Variants in SEMA6D observed in about 807,000 individuals in gnomAD.
The protein encoded by SEMA6D is semaphorin 6D.
In SEMA6D, 35 loss-of-function variants were observed where a neutral mutation model predicts 106.6. The ratio of observed to expected loss-of-function variants is 0.33; its 90% CI spans 0.25 to 0.44. The LOEUF is 0.44. Ranked by LOEUF, SEMA6D falls within the 20% of genes least tolerant of loss-of-function variation. SEMA6D has a pLI of 1.00. For missense variants in SEMA6D, 1,185 were observed against 1,345.9 expected (o/e 0.88, Z 1.87); for synonymous variants, 499 against 487.7 (o/e 1.02, Z -0.31).
intron 1 of SEMA6D, among the ~76,000 whole-genome samples, chr15:47,284,138 T>C (rs1201134996): frequency 6.6e-6 from 1 of 152,204 alleles, no homozygotes; most frequent in Non-Finnish European, 1.5e-5. Flanking sequence ...ACAGGAATCC[T>C]TTTTTAAAAA....
chr15:47,500,318 A>T (rs1034586853), intron 3 of SEMA6D, among the ~76,000 whole-genome samples: 9 of 152,138 alleles, frequency 5.9e-5, no homozygotes, highest in Non-Finnish European at 1.3e-4. Flanking sequence ...TGGGAAAAAA[A>T]ATATAAAGAT....
intron 2 of SEMA6D, among the ~76,000 whole-genome samples, chr15:47,439,880 G>C (rs2041830716): frequency 6.6e-6 from 1 of 152,076 alleles, no homozygotes; most frequent in Non-Finnish European, 1.5e-5. Context: ...TTGAACACAT[G>C]GTAGTTTCAT....
chr15:47,584,101 G>A (rs1225452428), intron 3 of SEMA6D, among the ~76,000 whole-genome samples: 1 of 152,184 alleles, frequency 6.6e-6, no homozygotes, highest in African/African-American at 2.4e-5. Context: ...TGTGATGCAT[G>A]TTTGCCCCCC....
intron 1 of SEMA6D, among the ~76,000 whole-genome samples, chr15:47,278,456 GGTT>G (rs1239455256): frequency 1.3e-5 from 2 of 151,998 alleles, no homozygotes; most frequent in East Asian, 3.9e-4. Flanking sequence ...TTTTTGATGG[GGTT>G]GTTTGTTTTT....
chr15:47,376,744 G>A (rs940281153), intron 1 of SEMA6D, among the ~76,000 whole-genome samples: 1 of 152,156 alleles, frequency 6.6e-6, no homozygotes, highest in African/African-American at 2.4e-5. Flanking sequence ...TGCTTAAAAG[G>A]CATTTGCCTT....
intron 1 of SEMA6D, among the ~76,000 whole-genome samples, chr15:47,327,351 C>T (rs920850073): frequency 6.6e-6 from 1 of 152,194 alleles, no homozygotes; most frequent in Admixed American, 6.5e-5. Context: ...CTTTTCATTT[C>T]ATTAATTGCC....
chr15:47,361,618 G>A (rs895844983), intron 1 of SEMA6D, among the ~76,000 whole-genome samples: 1 of 152,182 alleles, frequency 6.6e-6, no homozygotes, highest in Non-Finnish European at 1.5e-5. Context: ...TGTCCCTGTT[G>A]CAGTCCCAAT....
intron 1 of SEMA6D, among the ~76,000 whole-genome samples, chr15:47,314,597 C>CAAAA (rs764929520): frequency 2.9e-4 from 7 of 24,290 alleles, no homozygotes; most frequent in Non-Finnish European, 6.9e-4. Context: ...GACTCCATCT[C>CAAAA]AAAAAAAAAA....
At chr15:47,661,978 C>T (rs1439049916) in intron 4 of SEMA6D, among the ~76,000 whole-genome samples, 1 of 152,180 alleles carries the variant, frequency 6.6e-6, no homozygotes, top group Non-Finnish European at 1.5e-5. Context: ...AATGGAGGCT[C>T]CTTCCCAGCC....
chr15:47,221,030 C>A (rs1447120936), intron 1 of SEMA6D, among the ~76,000 whole-genome samples: 1 of 152,142 alleles, frequency 6.6e-6, no homozygotes, highest in Non-Finnish European at 1.5e-5. Context: ...TTCTGCTGTT[C>A]CTTCCCACAC....
chr15:47,552,896 A>ATATATATTTT (rs1213935603), intron 3 of SEMA6D, among the ~76,000 whole-genome samples: 1 of 85,044 alleles, frequency 1.2e-5, no homozygotes, highest in African/African-American at 4.4e-5. Flanking sequence ...ATATAAATAT[A>ATATATATTTT]TATATATATA....
intron 2 of SEMA6D, among the ~76,000 whole-genome samples, chr15:47,446,517 G>A (rs2042033443): frequency 6.6e-6 from 1 of 152,080 alleles, no homozygotes; most frequent in African/African-American, 2.4e-5. Context: ...ATCTACTAAA[G>A]CAAATGTATG....
At chr15:47,218,115 A>T (rs892942993) in intron 1 of SEMA6D, among the ~76,000 whole-genome samples, 4 of 152,080 alleles carry the variant, frequency 2.6e-5, no homozygotes, top group African/African-American at 9.7e-5. Flanking sequence ...TAGAGCTTCT[A>T]GGTTGTTATT....
At position 47,200,939 on chromosome 15, in the gene SEMA6D, C is replaced by T. The variant is rs139568689; in HGVS notation, c.-239+16521C>T. Among the ~76,000 whole-genome samples, 80 of 152,070 alleles carry T rather than the reference C, an allele frequency of 5.3e-4. 1 individual carries two copies. The highest frequency in any genetic ancestry group is 1.0e-3 in the Non-Finnish European group (70 of 68,002). On this transcript the variant is annotated intron_variant, in intron 1 of 19. Transcript: ENST00000558014. Reference sequence around the variant, plus strand: ...ATGATTTCTTGTTTCACCAGAGCTGCGTGGTTTCTTTGAGTGTGCTTTAAG... The same window carrying T: ...ATGATTTCTTGTTTCACCAGAGCTGTGTGGTTTCTTTGAGTGTGCTTTAAG...
At chr15:47,619,395 G>A (rs532220242) in intron 4 of SEMA6D, among the ~76,000 whole-genome samples, 3 of 152,340 alleles carry the variant, frequency 2.0e-5, no homozygotes, top group South Asian at 4.1e-4. Flanking sequence ...GGCATTAGAT[G>A]ACAAGTCGCA....
At position 47,771,852 on chromosome 15, in the gene SEMA6D, G is replaced by A; in HGVS notation, c.*67G>A. The A allele has an allele frequency of 1.4e-6, 2 of 1,460,256 alleles. No individual in the cohort carries two copies. The highest frequency in any genetic ancestry group is 1.3e-5 in the South Asian group (1 of 75,976). 90.5% of individuals were successfully genotyped at this position (1,460,256 alleles called of 1,614,324 possible). A position where few individuals can be genotyped will look rare whatever the true frequency, so the allele number is the denominator to read the frequency against. ...GTTGTTGAGAGGATGATGTTGTAAG[G>A]GTACCTTAAAACAAGAGACTCGCTT... On this transcript the variant is annotated 3_prime_UTR_variant, in exon 19 of 19. Transcript: ENST00000536845.
intron 4 of SEMA6D, among the ~76,000 whole-genome samples, chr15:47,694,547 C>G (rs1450514424): frequency 6.6e-6 from 1 of 152,094 alleles, no homozygotes; most frequent in Non-Finnish European, 1.5e-5. Context: ...TCAACTAATT[C>G]AGGGCCTGCT....
At chr15:47,497,544 T>C (rs550316256) in intron 3 of SEMA6D, among the ~76,000 whole-genome samples, 17 of 152,218 alleles carry the variant, frequency 1.1e-4, no homozygotes, top group African/African-American at 4.1e-4. Context: ...CTCCCATAGA[T>C]ATGTACTCTC....
intron 8 of SEMA6D, 142 bp from the exon 9 acceptor site, chr15:47,762,874 C>G (rs886357760): frequency 1.3e-4 from 77 of 600,264 alleles, no homozygotes; most frequent in Middle Eastern, 4.6e-4. Flanking sequence ...CATATTGGGA[C>G]TCCTCAAAGT....
Sources: allele counts gnomAD v4.1 joint callset (sites outside exome capture counted in the v4.1 genomes callset), GRCh38; gene constraint gnomAD v4.1.1; transcripts MANE v1.5; gene names NCBI Gene and HGNC (gene_info 2026-07-23, HGNC 2026-07-21).